Variants in PALM2AKAP2 observed in about 807,000 individuals in gnomAD.
PALM2AKAP2 encodes the protein PALM2 and AKAP2 fusion.
A neutral mutation model predicts 71.5 loss-of-function variants in PALM2AKAP2; 37 were observed. The ratio of observed to expected loss-of-function variants is 0.52; its 90% CI spans 0.40 to 0.68. PALM2AKAP2 has a LOEUF of 0.68. PALM2AKAP2 is among the 30% of genes least tolerant of loss of function. PALM2AKAP2 has a pLI of 0.00. For synonymous variants in PALM2AKAP2, 468 were observed against 478.8 expected (o/e 0.98, Z 0.29); for missense variants, 1,224 against 1,191.8 (o/e 1.03, Z -0.40).
At chr9:110,036,378 C>T (rs1319822993) in intron 7 of PALM2AKAP2, among the ~76,000 whole-genome samples, 2 of 152,162 alleles carry the variant, frequency 1.3e-5, no homozygotes, top group Non-Finnish European at 2.9e-5. Context: ...TGAATGCCTT[C>T]TGAGGGCAAT....
intron 1 of PALM2AKAP2, among the ~76,000 whole-genome samples, chr9:109,643,757 A>G (rs528945155): frequency 1.3e-5 from 2 of 152,258 alleles, no homozygotes; most frequent in East Asian, 3.9e-4. Flanking sequence ...TTTCTGCCCT[A>G]CTTCGTTTGC....
At chr9:109,874,227 A>G (rs1829669078) in intron 2 of PALM2AKAP2, among the ~76,000 whole-genome samples, 1 of 152,222 alleles carries the variant, frequency 6.6e-6, no homozygotes, top group African/African-American at 2.4e-5. Flanking sequence ...GAGAGAGAGC[A>G]TCAATATGGA....
chr9:109,916,012 C>T (rs1359286705), intron 3 of PALM2AKAP2, among the ~76,000 whole-genome samples: 6 of 151,858 alleles, frequency 4.0e-5, no homozygotes, highest in Admixed American at 1.3e-4. Flanking sequence ...GGCATGATCT[C>T]GGCTCACTGC....
chr9:109,990,510 G>A (rs781416233), intron 6 of PALM2AKAP2, among the ~76,000 whole-genome samples: 20 of 152,166 alleles, frequency 1.3e-4, no homozygotes, highest in Non-Finnish European at 1.9e-4. Context: ...CCCTATGTAA[G>A]CGTACCCCAA....
At chr9:109,859,383 A>T (rs75914948) in intron 1 of PALM2AKAP2, among the ~76,000 whole-genome samples, 2,102 of 152,316 alleles carry the variant, frequency 0.014, 48 homozygotes, top group African/African-American at 0.048. Flanking sequence ...GACTTTAGTT[A>T]ACAACAATAT....
chr9:110,040,459 T>C (rs530694727), intron 7 of PALM2AKAP2, among the ~76,000 whole-genome samples: 1 of 152,312 alleles, frequency 6.6e-6, no homozygotes, highest in African/African-American at 2.4e-5. Context: ...TTCTCAATAC[T>C]AAAACATTTG....
intron 6 of PALM2AKAP2, among the ~76,000 whole-genome samples, chr9:109,969,105 C>CAG (rs1017603559): frequency 1.3e-5 from 2 of 151,878 alleles, no homozygotes; most frequent in Non-Finnish European, 2.9e-5. Flanking sequence ...CACACACACA[C>CAG]ACACACACGA....
At chr9:110,037,733 C>A (rs751670324) in intron 7 of PALM2AKAP2, among the ~76,000 whole-genome samples, 1 of 152,170 alleles carries the variant, frequency 6.6e-6, no homozygotes, top group Non-Finnish European at 1.5e-5. Context: ...AAAAGGATGA[C>A]CTGTCTTTAA....
intron 1 of PALM2AKAP2, among the ~76,000 whole-genome samples, chr9:109,673,072 C>T (rs1827598971): frequency 6.6e-6 from 1 of 151,232 alleles, no homozygotes; most frequent in South Asian, 2.1e-4. Context: ...CTTTTGAATG[C>T]TTTTTGTGTA....
chr9:109,928,582 C>A (rs1302171899), intron 5 of PALM2AKAP2, among the ~76,000 whole-genome samples: 1 of 152,074 alleles, frequency 6.6e-6, no homozygotes, highest in African/African-American at 2.4e-5. Flanking sequence ...GTCTATATAA[C>A]CTTAGGGTTT....
intron 1 of PALM2AKAP2, among the ~76,000 whole-genome samples, chr9:109,842,021 C>A (rs1489009904): frequency 6.6e-6 from 1 of 151,574 alleles, no homozygotes; most frequent in African/African-American, 2.4e-5. Flanking sequence ...AGGCCTGGAG[C>A]TGGTGTTAGG....
At chr9:110,115,748 G>C (rs992110494) in intron 1 of PALM2AKAP2, among the ~76,000 whole-genome samples, 1 of 51,732 alleles carries the variant, frequency 1.9e-5, no homozygotes, top group Non-Finnish European at 3.7e-5. Flanking sequence ...TGATATCCAC[G>C]ATCGTGGGGG....
chr9:109,660,243 A>G (rs1400595922), intron 1 of PALM2AKAP2, among the ~76,000 whole-genome samples: 1 of 152,190 alleles, frequency 6.6e-6, no homozygotes, highest in Non-Finnish European at 1.5e-5. Flanking sequence ...CATGTGCACA[A>G]CGTGCAGGTT....
chr9:109,879,535 C>T, intron 2 of PALM2AKAP2, among the ~76,000 whole-genome samples: 1 of 152,190 alleles, frequency 6.6e-6, no homozygotes, highest in East Asian at 1.9e-4. Flanking sequence ...ACATCTACCT[C>T]TCCTTGCTCT....
At chr9:109,968,804 A>C (rs1832006160) in intron 6 of PALM2AKAP2, among the ~76,000 whole-genome samples, 1 of 151,970 alleles carries the variant, frequency 6.6e-6, no homozygotes, top group Admixed American at 6.6e-5. Context: ...TGCCACTAAG[A>C]CCCCTGGAAA....
chr9:109,956,443 A>G (rs1831749729), intron 6 of PALM2AKAP2, among the ~76,000 whole-genome samples: 1 of 152,240 alleles, frequency 6.6e-6, no homozygotes, highest in Non-Finnish European at 1.5e-5. Flanking sequence ...GACAACCTGA[A>G]AGTGAGATAA....
At chr9:109,993,479 T>A (rs1464996853) in intron 6 of PALM2AKAP2, among the ~76,000 whole-genome samples, 3 of 152,204 alleles carry the variant, frequency 2.0e-5, no homozygotes, top group African/African-American at 7.2e-5. Context: ...TCCCTAAACT[T>A]GTCAGTAGGA....
chr9:110,012,773 C>T (rs569724660), intron 6 of PALM2AKAP2, among the ~76,000 whole-genome samples: 2 of 152,132 alleles, frequency 1.3e-5, no homozygotes, highest in Admixed American at 1.3e-4. Flanking sequence ...GCCATATAGC[C>T]TTTAATAAAG....
chr9:109,973,119 AT>A (rs1235990968), intron 6 of PALM2AKAP2, among the ~76,000 whole-genome samples: 1 of 152,230 alleles, frequency 6.6e-6, no homozygotes, highest in African/African-American at 2.4e-5. Context: ...TTAAAAAAAA[AT>A]CTACTTCTTT....
Sources: gnomAD v4.1 joint callset for allele counts (sites outside exome capture counted in the v4.1 genomes callset) on GRCh38, gnomAD v4.1.1 for gene constraint, MANE v1.5 for transcripts, NCBI Gene and HGNC (gene_info 2026-07-23, HGNC 2026-07-21) for gene names.